Variants in AK9 observed in about 807,000 individuals in gnomAD.
The protein encoded by AK9 is adenylate kinase domain containing 1.
Under a neutral mutation model 239.6 loss-of-function variants are expected in AK9, and 191 were observed. That is an observed-to-expected ratio of 0.80 (90% confidence interval 0.71 to 0.90). AK9 has a LOEUF of 0.90. Among genes scored for constraint, AK9 ranks in the 40% least tolerant of loss-of-function variants. The pLI, the probability that AK9 is intolerant of heterozygous loss-of-function variation, is 0.00. For missense variants in AK9, 1,995 were observed against 2,214.7 expected (o/e 0.90, Z 1.99); for synonymous variants, 689 against 721.0 (o/e 0.96, Z 0.71).
Position 109,557,280 on chromosome 6 carries a change from C to CA in AK9, c.2751+6316dup, listed in dbSNP as rs1785119268. The stretch of plus-strand genomic sequence containing the variant: ...GGGCTGCTGCAGTTTGCTGGGGGTT[C>CA]ACTTCAGACACTACTCATCTGATTT... On this transcript the variant is annotated intron_variant, in intron 24 of 40. Coordinates refer to ENST00000424296, the MANE Select transcript of AK9 (RefSeq NM_001145128.3). Among the ~76,000 whole-genome samples, 26 of 152,192 alleles carry CA rather than the reference C, an allele frequency of 1.7e-4. No homozygotes were observed. In the South Asian group the frequency reaches 5.2e-3, roughly 30 times the overall value.
At chr6:109,626,043 CTG>C (rs1338688818) in intron 12 of AK9, among the ~76,000 whole-genome samples, 1 of 151,992 alleles carries the variant, frequency 6.6e-6, no homozygotes, top group African/African-American at 2.4e-5. Flanking sequence ...TTTTCTCCCT[CTG>C]TTTTTCAGAC....
At chr6:109,498,999 C>T in intron 36 of AK9, 45 bp downstream of exon 36, 3 of 1,372,792 alleles carry the variant, frequency 2.2e-6, no homozygotes, top group East Asian at 2.7e-5. Context: ...CAAGATAAGA[C>T]ATTTTCTTTC....
At chr6:109,652,262 A>G (rs538169863) in intron 8 of AK9, among the ~76,000 whole-genome samples, 3 of 152,388 alleles carry the variant, frequency 2.0e-5, no homozygotes, top group Admixed American at 2.0e-4. Context: ...ACGCAAATGA[A>G]TAAATGTAAT....
Position 109,670,005 on chromosome 6 carries a change from C to T in AK9, c.331+1914G>A, listed in dbSNP as rs116126873. 4.9e-3 allele frequency among the ~76,000 whole-genome samples: 749 copies of T among 152,226 alleles called. 2 individuals are homozygous for T. The highest frequency in any genetic ancestry group is 0.017 in the African/African-American group (695 of 41,538). On this transcript the variant is annotated intron_variant, in intron 5 of 40. Coordinates refer to ENST00000424296, the MANE Select transcript of AK9 (RefSeq NM_001145128.3). ...CTCTGCCAGCTCCTAGGACAAGTATCGGCATACAGGAAGTACTGGGGTCTG... is the reference window on the plus strand; with the variant it reads ...CTCTGCCAGCTCCTAGGACAAGTATTGGCATACAGGAAGTACTGGGGTCTG...
At chr6:109,591,123 G>A (rs1790176129) in intron 17 of AK9, among the ~76,000 whole-genome samples, 1 of 152,010 alleles carries the variant, frequency 6.6e-6, no homozygotes. Flanking sequence ...GAGTACTGAA[G>A]TCCCCTACTA....
At chr6:109,615,735 C>T (rs1794100508) in intron 13 of AK9, among the ~76,000 whole-genome samples, 1 of 152,094 alleles carries the variant, frequency 6.6e-6, no homozygotes, top group Non-Finnish European at 1.5e-5. Flanking sequence ...AAAAACTCAA[C>T]ACAGAGAAGT....
chr6:109,647,639 G>T (rs1049341600), intron 8 of AK9, among the ~76,000 whole-genome samples: 34 of 152,188 alleles, frequency 2.2e-4, no homozygotes, highest in African/African-American at 8.0e-4. Context: ...CAATAATAAT[G>T]GGAGACTTTA....
Position 109,662,568 on chromosome 6 carries a change from C to T in AK9, c.427G>A (p.Val143Ile), listed in dbSNP as rs372360195. Residue 143 changes from valine (V) to isoleucine (I), a missense_variant, in exon 6 of 41, where the codon GTT becomes ATT. Val to Ile is a conservative substitution (Grantham distance 29). This residue lies in a region of AK9 where 252 missense variants were observed against 246.4 expected (regional missense o/e 1.02). Transcript: ENST00000424296. ...ATCCTTACCTTTATATTGATTATAA[C>T]ATCAGGTTTCAGGTTTAAGTTTTTA... is the stretch of plus-strand genomic sequence containing the variant. Reference protein sequence around the residue: ...LIKNLNLKPDVIINIKCPDYD... With the variant: ...LIKNLNLKPDIIINIKCPDYD... 6.4e-7 allele frequency: 1 copy of T among 1,557,170 alleles called. No homozygotes were observed.
rs369820509 is a variant in AK9, at chr6:109,603,476, G to A, written c.1842+6889C>T. On this transcript the variant is annotated intron_variant, in intron 17 of 40. Coordinates refer to ENST00000424296, the MANE Select transcript of AK9 (RefSeq NM_001145128.3). Reference sequence around the variant, plus strand: ...ACCTGGCCGTGTGAGGTGTCAGTCTGCCCCTACTGGGGGGTGCCTCCCAGT... The same window carrying A: ...ACCTGGCCGTGTGAGGTGTCAGTCTACCCCTACTGGGGGGTGCCTCCCAGT... 2.0e-5 allele frequency among the ~76,000 whole-genome samples: 3 copies of A among 152,296 alleles called. No homozygotes were observed. The East Asian group carries it at 5.8e-4, about 29-fold the overall frequency.
chr6:109,538,618 A>G (rs1447785795), intron 27 of AK9, among the ~76,000 whole-genome samples: 1 of 151,554 alleles, frequency 6.6e-6, no homozygotes, highest in Non-Finnish European at 1.5e-5. Flanking sequence ...TAAGGTTAAT[A>G]TTGTTATGTG....
At chr6:109,561,838 T>C (rs1785820747) in intron 24 of AK9, among the ~76,000 whole-genome samples, 1 of 152,222 alleles carries the variant, frequency 6.6e-6, no homozygotes, top group South Asian at 2.1e-4. Flanking sequence ...TATTTATTTA[T>C]TGGGCATATT....
rs1052176261 is a variant in AK9, at chr6:109,546,079, T to C, written c.3013A>G (p.Thr1005Ala). Residue 1005 changes from threonine (T) to alanine (A), a missense_variant, in exon 26 of 41, where the codon ACT (threonine) becomes GCT (alanine). Transcript: ENST00000424296. The stretch of plus-strand genomic sequence containing the variant: ...TCTGCCAACTGTCTTCCACACATAG[T>C]TTTGCCAGAGCCCTGGGGGCCGACA... Reference protein sequence around the residue: ...CLVGPQGSGKTMCGRQLAEKL... With the variant: ...CLVGPQGSGKAMCGRQLAEKL... 6.2e-7 allele frequency: 1 copy of C among 1,612,084 alleles called. No individual in the cohort carries two copies. Among genetic ancestry groups the C allele is most frequent in the African/African-American group, 1.3e-5 (1 of 74,948 alleles).
At position 109,581,910 on chromosome 6, in the gene AK9, C is replaced by T. The variant is rs75108686; in HGVS notation, c.2115-2284G>A. 4.4e-3 allele frequency among the ~76,000 whole-genome samples: 665 copies of T among 152,248 alleles called. 4 individuals carry two copies. The highest frequency in any genetic ancestry group is 0.015 in the African/African-American group (639 of 41,548). On this transcript the variant is annotated intron_variant, in intron 19 of 40. Coordinates refer to ENST00000424296, the MANE Select transcript of AK9 (RefSeq NM_001145128.3). ...CTGACACTCTTATTAAGGGCTTGTGCAGCTGGTGAAGCTAATGCCCATTTC... is the reference window on the plus strand; with the variant it reads ...CTGACACTCTTATTAAGGGCTTGTGTAGCTGGTGAAGCTAATGCCCATTTC...
chr6:109,499,397 C>T (rs1777379455), intron 35 of AK9, among the ~76,000 whole-genome samples, 157 bp from the exon 36 acceptor site: 1 of 152,110 alleles, frequency 6.6e-6, no homozygotes, highest in African/African-American at 2.4e-5. Context: ...TTCACATCTC[C>T]ATTGTTTCAA....
At chr6:109,686,403 C>G (rs1773515850) in intron 1 of AK9, among the ~76,000 whole-genome samples, 1 of 152,188 alleles carries the variant, frequency 6.6e-6, no homozygotes, top group Non-Finnish European at 1.5e-5. Flanking sequence ...AAAAAAGAGG[C>G]ACAGTATTTT....
chr6:109,595,706 A>G (rs1369686717), intron 17 of AK9, among the ~76,000 whole-genome samples: 1 of 152,210 alleles, frequency 6.6e-6, no homozygotes, highest in Non-Finnish European at 1.5e-5. Flanking sequence ...TTGCAGTGAC[A>G]TGGATGAAGC....
At chr6:109,530,637 G>A (rs1385666953) in intron 28 of AK9, among the ~76,000 whole-genome samples, 1 of 152,128 alleles carries the variant, frequency 6.6e-6, no homozygotes, top group Non-Finnish European at 1.5e-5. Context: ...TAGTCAGTGA[G>A]GTTTAACTAA....
At chr6:109,633,412 G>A (rs1488491137) in intron 10 of AK9, 89 bp from the exon 11 acceptor site, 2 of 1,324,466 alleles carry the variant, frequency 1.5e-6, no homozygotes, top group Non-Finnish European at 1.0e-6. Context: ...ATTTTATAGT[G>A]CTTTACTATT....
At chr6:109,680,813 A>G (rs897599792) in intron 1 of AK9, among the ~76,000 whole-genome samples, 5 of 152,230 alleles carry the variant, frequency 3.3e-5, no homozygotes, top group Admixed American at 3.3e-4. Flanking sequence ...ATTCTTAAAG[A>G]AAAGAATTTT....
Sources: gnomAD v4.1 joint callset for allele counts (sites outside exome capture counted in the v4.1 genomes callset) on GRCh38, gnomAD v4.1.1 for gene constraint, gnomAD v4.1.1 regional missense constraint, MANE v1.5 for transcripts, NCBI Gene and HGNC (gene_info 2026-07-23, HGNC 2026-07-21) for gene names.